The following EVC2 variants were observed in gnomAD, a reference collection of about 807,000 sequenced individuals.
EVC2 encodes limbin.
Under a neutral mutation model 149.3 loss-of-function variants are expected in EVC2, and 148 were observed. The observed-to-expected ratio is 0.99, with a 90% CI of 0.87 to 1.14. EVC2 has a LOEUF of 1.14. Among genes scored for constraint, EVC2 ranks in the 50% most tolerant of loss-of-function variants. EVC2 has a pLI of 0.00. For synonymous variants in EVC2, 776 were observed against 649.9 expected, an observed-to-expected ratio of 1.19 and a Z score of -2.95; for missense variants, 1,854 against 1,627.3, an observed-to-expected ratio of 1.14 and a Z score of -2.40.
intron 9 of EVC2, among the ~76,000 whole-genome samples, chr4:5,661,399 G>C (rs1718864787): frequency 6.6e-6 from 1 of 152,148 alleles, no homozygotes; most frequent in African/African-American, 2.4e-5. Flanking sequence ...CTCGTCCTCA[G>C]ATTGTCTTCT....
chr4:5,532,923 C>T, the EVC2 span, among the ~76,000 whole-genome samples: 99 of 151,554 alleles, frequency 6.5e-4, 1 homozygote, highest in African/African-American at 2.2e-3. Context: ...ATACTCAGTA[C>T]CCTGATATCA....
chr4:5,577,688 A>C (rs1428489606), intron 17 of EVC2, among the ~76,000 whole-genome samples: 1 of 152,192 alleles, frequency 6.6e-6, no homozygotes, highest in African/African-American at 2.4e-5. Context: ...ATCTCTCTAT[A>C]GCATGGACAC....
At chr4:5,608,055 A>C (rs1274646673) in intron 16 of EVC2, among the ~76,000 whole-genome samples, 1 of 152,118 alleles carries the variant, frequency 6.6e-6, no homozygotes, top group Non-Finnish European at 1.5e-5. Flanking sequence ...ATGGAGGCAG[A>C]CACACCAACT....
At chr4:5,529,283 G>A in the EVC2 span, among the ~76,000 whole-genome samples, 1 of 152,138 alleles carries the variant, frequency 6.6e-6, no homozygotes, top group African/African-American at 2.4e-5. The surrounding 1 kb of genome is among the most constrained non-coding windows in gnomAD (Gnocchi z 4.5). Context: ...CAGCCTTTTA[G>A]TGTGATATTT....
At position 5,657,567 on chromosome 4, in the gene EVC2, A is replaced by C. The variant is rs2108887955; in HGVS notation, c.1145+5540T>G. Among the ~76,000 whole-genome samples the C allele has an allele frequency of 6.6e-6, 1 of 152,082 alleles. No individual in the cohort carries two copies. The highest frequency in any genetic ancestry group is 1.5e-5 in the Non-Finnish European group (1 of 67,994). ...TTGCTATCATGTACCTTATAGCCTCAAATTTTCTCTGCAGGCGACTTTCCA... is the reference window on the plus strand; with the variant it reads ...TTGCTATCATGTACCTTATAGCCTCCAATTTTCTCTGCAGGCGACTTTCCA... On this transcript the variant is annotated intron_variant, in intron 9 of 21. Coordinates refer to ENST00000344408, the MANE Select transcript of EVC2 (RefSeq NM_147127.5). The surrounding 1 kb of genome is among the most constrained non-coding windows in gnomAD (Gnocchi z 4.7).
intron 7 of EVC2, 88 bp from the exon 8 acceptor site, chr4:5,665,737 C>T (rs1016150374): frequency 1.3e-6 from 2 of 1,560,798 alleles, no homozygotes; most frequent in African/African-American, 2.7e-5. Context: ...CAGAGCAGAC[C>T]AAGCAGGGAC....
intron 16 of EVC2, among the ~76,000 whole-genome samples, chr4:5,594,495 G>C (rs950164643): frequency 6.6e-6 from 1 of 152,194 alleles, no homozygotes; most frequent in Non-Finnish European, 1.5e-5. Context: ...AACTCCAACA[G>C]ACCTGCAGCT....
intron 16 of EVC2, among the ~76,000 whole-genome samples, chr4:5,606,627 C>A (rs1310361646): frequency 6.6e-6 from 1 of 151,884 alleles, no homozygotes; most frequent in Non-Finnish European, 1.5e-5. Context: ...CTAAAATTAC[C>A]AAGCATGCAA....
At chr4:5,608,237 A>G (rs4234709) in intron 16 of EVC2, among the ~76,000 whole-genome samples, 149,660 of 152,292 alleles carry the variant, frequency 0.98, 73,573 homozygotes, top group Non-Finnish European at 1. Context: ...CCCAGCAGGT[A>G]CTCCCAGTCC....
chr4:5,563,494 G>A (rs944321380), intron 21 of EVC2, among the ~76,000 whole-genome samples: 14 of 152,136 alleles, frequency 9.2e-5, no homozygotes, highest in Admixed American at 3.3e-4. Context: ...CGACAGGCGC[G>A]TGCAACCATG....
chr4:5,612,978 G>A (rs1041469365), intron 16 of EVC2, among the ~76,000 whole-genome samples: 1 of 149,944 alleles, frequency 6.7e-6, no homozygotes. Flanking sequence ...AGCAGGAGGA[G>A]ACGAGGTAGG....
At chr4:5,639,086 G>C (rs1293965111) in intron 10 of EVC2, among the ~76,000 whole-genome samples, 1 of 152,084 alleles carries the variant, frequency 6.6e-6, no homozygotes, top group Non-Finnish European at 1.5e-5. Flanking sequence ...CGAGGACCTT[G>C]CCCCTTTTCT....
In EVC2 at chr4:5,637,792, G is replaced by C. The variant is rs1716987943; in HGVS notation, c.1470+2722C>G. Among the ~76,000 whole-genome samples the C allele has an allele frequency of 6.6e-6, 1 of 151,794 alleles. No homozygotes were observed. Among genetic ancestry groups the C allele is most frequent in the South Asian group, 2.1e-4 (1 of 4,800 alleles). On this transcript the variant is annotated intron_variant, in intron 10 of 21. Transcript: ENST00000344408. This position sits in a 1 kb window ranked among gnomAD's most constrained non-coding sequence, Gnocchi z 4.4. ...GAATGATCCTCTGCCACTGAGTTGT[G>C]GGATGGGCTTCTCTCTTTTTTTTTT...
At chr4:5,638,723 A>T (rs1239363423) in intron 10 of EVC2, among the ~76,000 whole-genome samples, 3 of 152,120 alleles carry the variant, frequency 2.0e-5, no homozygotes, top group African/African-American at 7.2e-5. Context: ...TTTAGGTGGG[A>T]CCTAAATTCA....
chr4:5,592,183 C>G (rs1712867540), intron 16 of EVC2, among the ~76,000 whole-genome samples: 1 of 152,162 alleles, frequency 6.6e-6, no homozygotes, highest in South Asian at 2.1e-4. Context: ...TGTATCCAAA[C>G]AAATTCACAA....
intron 2 of EVC2, among the ~76,000 whole-genome samples, chr4:5,697,127 G>A (rs1315472793): frequency 6.6e-6 from 1 of 152,234 alleles, no homozygotes; most frequent in Non-Finnish European, 1.5e-5. Context: ...GGCCATAGAT[G>A]CTGGAAAAGG....
chr4:5,567,509 T>A lies in EVC2; in HGVS notation c.3557+935A>T, dbSNP rs1722358357. Among the ~76,000 whole-genome samples the A allele has an allele frequency of 1.3e-5, 2 of 152,202 alleles. No homozygotes were observed. Among genetic ancestry groups the A allele is most frequent in the Admixed American group, 6.5e-5 (1 of 15,278 alleles). On this transcript the variant is annotated intron_variant, in intron 20 of 21. Coordinates refer to ENST00000344408, the MANE Select transcript of EVC2 (RefSeq NM_147127.5). The surrounding 1 kb of genome is among the most constrained non-coding windows in gnomAD (Gnocchi z 4.4). ...TGCTGAGGCTGTGAGCTCTGCATCC[T>A]GGTGCAATGTTTTCATCCTGGCCAT...
chr4:5,691,064 T>G (rs969968672), intron 4 of EVC2, among the ~76,000 whole-genome samples: 3 of 152,232 alleles, frequency 2.0e-5, no homozygotes, highest in Admixed American at 6.5e-5. Context: ...GACAATTATT[T>G]AATTGTAACA....
At chr4:5,664,881 G>A (rs867036116) in intron 8 of EVC2, among the ~76,000 whole-genome samples, 1 of 151,718 alleles carries the variant, frequency 6.6e-6, no homozygotes, top group Non-Finnish European at 1.5e-5. Flanking sequence ...AATGGGCTGC[G>A]TGTGGGTGAT....
Sources: allele counts gnomAD v4.1 joint callset (sites outside exome capture counted in the v4.1 genomes callset), GRCh38; gene constraint gnomAD v4.1.1; non-coding constraint Gnocchi (gnomAD v3.1); transcripts MANE v1.5; gene names NCBI Gene and HGNC (gene_info 2026-07-23, HGNC 2026-07-21).